PREX1: variants seen among roughly 807,000 people sequenced by gnomAD.
PREX1 encodes the protein phosphatidylinositol 3,4,5-trisphosphate-dependent Rac exchanger 1 protein.
A neutral mutation model predicts 198.3 loss-of-function variants in PREX1; 41 were observed. The observed-to-expected ratio is 0.21, with a 90% CI of 0.16 to 0.27. The LOEUF is 0.27. Among genes scored for constraint, PREX1 ranks in the 10% least tolerant of loss-of-function variants. PREX1 has a pLI of 1.00. For missense variants in PREX1, 1,620 were observed against 2,200.7 expected (o/e 0.74, Z 5.28); for synonymous variants, 843 against 887.2 (o/e 0.95, Z 0.89).
chr20:48,697,664 G>A (rs924973947), intron 7 of PREX1, among the ~76,000 whole-genome samples: 29 of 152,236 alleles, frequency 1.9e-4, no homozygotes, highest in African/African-American at 6.0e-4. Context: ...GATTACAGGC[G>A]TGAGCTACTG....
intron 1 of PREX1, among the ~76,000 whole-genome samples, chr20:48,784,519 T>A (rs772713092): frequency 6.6e-6 from 1 of 152,200 alleles, no homozygotes; most frequent in Non-Finnish European, 1.5e-5. Flanking sequence ...TTAGGGCCCA[T>A]TTTCAATGAG....
the PREX1 span, among the ~76,000 whole-genome samples, chr20:48,869,500 G>A: frequency 2.0e-5 from 3 of 151,982 alleles, no homozygotes; most frequent in African/African-American, 7.3e-5. Flanking sequence ...CCCCCATTTA[G>A]ATTGTTTTTC....
intron 38 of PREX1, 60 bp downstream of exon 38, chr20:48,627,801 G>A (rs2089284645): frequency 2.0e-6 from 3 of 1,513,300 alleles, no homozygotes; most frequent in Non-Finnish European, 1.8e-6. Context: ...CACCCTGGCT[G>A]CAAGCATGCC....
chr20:48,835,262 T>C, the PREX1 span, among the ~76,000 whole-genome samples: 1 of 152,218 alleles, frequency 6.6e-6, no homozygotes, highest in Non-Finnish European at 1.5e-5. Context: ...CAGTATATGT[T>C]TTGGACTCCA....
chr20:48,834,704 C>T, the PREX1 span, among the ~76,000 whole-genome samples: 2 of 152,152 alleles, frequency 1.3e-5, no homozygotes, highest in South Asian at 4.1e-4. Context: ...GGACCCCAGG[C>T]ATATGCCACC....
chr20:48,799,419 CAAGCACACTGTCAGTGGCATCCTA>C (rs377624267), intron 1 of PREX1, among the ~76,000 whole-genome samples: 4 of 152,168 alleles, frequency 2.6e-5, no homozygotes, highest in African/African-American at 9.7e-5. Context: ...TGTGTCCACC[CAAGCACACTGTCAGTGGCATCCTA>C]AAACGAAGAG....
In PREX1 at chr20:48,666,454, A is replaced by G; in HGVS notation, c.1666-99T>C. 1.0e-6 allele frequency: 1 copy of G among 992,782 alleles called. No individual in the cohort carries two copies. The highest frequency in any genetic ancestry group is 1.5e-6 in the Non-Finnish European group (1 of 652,404). The allele number at this position is 992,782 out of a possible 1,614,324, so 61.5% of individuals were successfully genotyped here. ...ACAACCACCCAAGAAGGTAGGCTCC[A>G]CGAGGGCCAGGGGTTGTCTGTTTTG... On this transcript the variant is annotated intron_variant, in intron 14 of 39. Transcript: ENST00000371941. The surrounding 1 kb of genome is among the most constrained non-coding windows in gnomAD (Gnocchi z 4.3).
At chr20:48,681,173 G>C (rs2089746976) in intron 11 of PREX1, 62 bp downstream of exon 11, 1 of 1,381,022 alleles carries the variant, frequency 7.2e-7, no homozygotes, top group Admixed American at 1.7e-5. Context: ...TGGAAGCATG[G>C]CACAGTTGGG....
At chr20:48,725,066 T>C (rs928654025) in intron 5 of PREX1, among the ~76,000 whole-genome samples, 1 of 152,214 alleles carries the variant, frequency 6.6e-6, no homozygotes, top group African/African-American at 2.4e-5. Flanking sequence ...TGGGCAGAGC[T>C]GATGGCCCCA....
intron 1 of PREX1, among the ~76,000 whole-genome samples, chr20:48,780,911 A>G (rs996487011): frequency 1.3e-5 from 2 of 152,232 alleles, no homozygotes; most frequent in African/African-American, 4.8e-5. Flanking sequence ...AAGTGTTAAC[A>G]TCTCCCCTTG....
At chr20:48,882,362 T>C in the PREX1 span, among the ~76,000 whole-genome samples, 2 of 150,906 alleles carry the variant, frequency 1.3e-5, no homozygotes, top group Admixed American at 6.6e-5. Flanking sequence ...ATTAGCCGGG[T>C]GTGGTGGCGG....
chr20:48,800,678 C>A (rs1478350915), intron 1 of PREX1, among the ~76,000 whole-genome samples: 1 of 152,100 alleles, frequency 6.6e-6, no homozygotes, highest in Non-Finnish European at 1.5e-5. Flanking sequence ...CAAAAGCAGC[C>A]AGCTATCCAT....
At chr20:48,856,354 G>A in the PREX1 span, among the ~76,000 whole-genome samples, 6 of 152,180 alleles carry the variant, frequency 3.9e-5, no homozygotes, top group African/African-American at 7.2e-5. Flanking sequence ...ACTGGACGAC[G>A]CCCATGCCAG....
intron 1 of PREX1, among the ~76,000 whole-genome samples, chr20:48,800,848 A>C (rs1452065987): frequency 2.0e-5 from 3 of 151,674 alleles, no homozygotes; most frequent in Non-Finnish European, 2.9e-5. Flanking sequence ...TAGTGACAGG[A>C]TCTCACTATG....
chr20:48,628,586 A>G (rs151007272), intron 37 of PREX1, among the ~76,000 whole-genome samples: 24 of 152,266 alleles, frequency 1.6e-4, no homozygotes, highest in African/African-American at 5.5e-4. Flanking sequence ...TCTACCCACT[A>G]AAGGCCAGGA....
the PREX1 span, among the ~76,000 whole-genome samples, chr20:48,860,946 C>T: frequency 6.6e-6 from 1 of 151,738 alleles, no homozygotes; most frequent in African/African-American, 2.4e-5. Flanking sequence ...TCCTGGTCAA[C>T]ATAGTCAAAC....
At chr20:48,681,823 G>C (rs2089753505) in intron 10 of PREX1, among the ~76,000 whole-genome samples, 1 of 152,162 alleles carries the variant, frequency 6.6e-6, no homozygotes, top group Non-Finnish European at 1.5e-5. Context: ...AGAAGAGAGT[G>C]AGTAGATGGG....
intron 1 of PREX1, among the ~76,000 whole-genome samples, chr20:48,787,239 G>A (rs2090317211): frequency 6.6e-6 from 1 of 152,104 alleles, no homozygotes; most frequent in Admixed American, 6.5e-5. Flanking sequence ...AACAGACCCT[G>A]ACACTCGTGT....
At chr20:48,787,373 C>CAA (rs111817747) in intron 1 of PREX1, among the ~76,000 whole-genome samples, 1 of 144,798 alleles carries the variant, frequency 6.9e-6, no homozygotes, top group African/African-American at 2.5e-5. Context: ...TATAAACAAA[C>CAA]AAAAAAAAAA....
Sources: allele counts gnomAD v4.1 joint callset (sites outside exome capture counted in the v4.1 genomes callset), GRCh38; gene constraint gnomAD v4.1.1; non-coding constraint Gnocchi (gnomAD v3.1); transcripts MANE v1.5; gene names NCBI Gene and HGNC (gene_info 2026-07-23, HGNC 2026-07-21).